MMP20: variants seen among roughly 807,000 people sequenced by gnomAD.
MMP20 encodes matrix metalloproteinase-20.
In MMP20, 50 loss-of-function variants were observed where a neutral mutation model predicts 51.8. That is an observed-to-expected ratio of 0.97 (90% CI 0.77 to 1.22). MMP20 has a LOEUF of 1.22. Ranked by LOEUF, MMP20 falls within the 50% of genes most tolerant of loss-of-function variation. The pLI, the probability that MMP20 is intolerant of heterozygous loss-of-function variation, is 0.00. For missense variants in MMP20, 663 were observed against 601.4 expected (o/e 1.10, Z -1.07); for synonymous variants, 244 against 216.2 (o/e 1.13, Z -1.13).
intron 6 of MMP20, among the ~76,000 whole-genome samples, 156 bp from the exon 7 acceptor site, chr11:102,594,913 T>C (rs1565392593): frequency 1.3e-4 from 2 of 15,796 alleles, no homozygotes; most frequent in African/African-American, 2.9e-4. Context: ...CTTTTCTTTT[T>C]TTTTTTTTTT....
chr11:102,579,293 GTTAT>G, intron 8 of MMP20, 151 bp from the exon 9 acceptor site: 1 of 618,406 alleles, frequency 1.6e-6, no homozygotes, highest in South Asian at 2.0e-5. Context: ...CATTTATGTT[GTTAT>G]TTATTTTTTC....
chr11:102,606,777 C>T (rs1591618358), intron 5 of MMP20, 101 bp from the exon 6 acceptor site: 1 of 1,370,524 alleles, frequency 7.3e-7, no homozygotes, highest in Non-Finnish European at 1.0e-6. Context: ...TCACGCTGGA[C>T]ATGTGATCAT....
intron 6 of MMP20, among the ~76,000 whole-genome samples, chr11:102,597,907 A>AC (rs1859401429): frequency 6.6e-6 from 1 of 152,096 alleles, no homozygotes. Flanking sequence ...AGCTGGGATT[A>AC]CAGGCATGTG....
At chr11:102,619,904 A>T (rs1034406459) in intron 1 of MMP20, among the ~76,000 whole-genome samples, 1 of 152,238 alleles carries the variant, frequency 6.6e-6, no homozygotes, top group African/African-American at 2.4e-5. Context: ...GGATTGAAAT[A>T]GTACCTTTTA....
chr11:102,604,960 A>G (rs1859495256), intron 6 of MMP20, among the ~76,000 whole-genome samples: 1 of 152,216 alleles, frequency 6.6e-6, no homozygotes, highest in South Asian at 2.1e-4. Context: ...ATGCTTAACA[A>G]TGGGAATGCT....
chr11:102,577,227 T>C lies in MMP20; in HGVS notation c.*99A>G, dbSNP rs1770536216. ...AATTCTAATTTGATTTGAAGGCCTT[T>C]GGAAGAATCCCTCTCCTACATTCTG... On this transcript the variant is annotated 3_prime_UTR_variant, in exon 10 of 10. Transcript: ENST00000260228. 2.5e-6 allele frequency: 2 copies of C among 807,976 alleles called. No individual in the cohort carries two copies. Among genetic ancestry groups the C allele is most frequent in the South Asian group, 2.8e-5 (2 of 70,352 alleles). 50.1% of individuals were successfully genotyped at this position (807,976 alleles called of 1,614,324 possible).
intron 1 of MMP20, among the ~76,000 whole-genome samples, chr11:102,624,771 C>T (rs1859798063): frequency 6.6e-6 from 1 of 152,320 alleles, no homozygotes; most frequent in Admixed American, 6.5e-5. Flanking sequence ...AGTGGAAACA[C>T]AGGAAATCTC....
chr11:102,623,359 AGCTCT>A (rs1859774493), intron 1 of MMP20, among the ~76,000 whole-genome samples: 1 of 152,116 alleles, frequency 6.6e-6, no homozygotes, highest in Non-Finnish European at 1.5e-5. Flanking sequence ...TTACTTCCTG[AGCTCT>A]GCCTCCTGTC....
intron 1 of MMP20, 119 bp from the exon 2 acceptor site, chr11:102,617,178 T>C: frequency 8.0e-7 from 1 of 1,246,046 alleles, no homozygotes; most frequent in African/African-American, 1.5e-5. Flanking sequence ...TATTTTCCCA[T>C]TTATGAAAAA....
intron 8 of MMP20, among the ~76,000 whole-genome samples, chr11:102,593,218 C>T (rs750263592): frequency 4.6e-5 from 7 of 152,148 alleles, no homozygotes; most frequent in Non-Finnish European, 1.0e-4. Context: ...TCAAGTCCTA[C>T]AGACCAAACA....
intron 3 of MMP20, 50 bp downstream of exon 3, chr11:102,611,705 T>C (rs774034650): frequency 6.2e-7 from 1 of 1,601,832 alleles, no homozygotes; most frequent in South Asian, 1.1e-5. Context: ...GGAACAGTAT[T>C]GGGACAACTC....
rs571482871 is a variant in MMP20 at position 102,617,818 on chromosome 11, G to A, written c.127-759C>T. ...CTCAGGGCTGGGATTAGGGTAAAAC[G>A]AGTGATGCAGGGGCATGCAAATACA... On this transcript the variant is annotated intron_variant, in intron 1 of 9. Transcript: ENST00000260228. Among the ~76,000 whole-genome samples the A allele has an allele frequency of 1.2e-4, 19 of 152,268 alleles. 2 individuals carry two copies. The South Asian group carries it at 3.5e-3, about 28-fold the overall frequency.
chr11:102,599,175 C>T (rs1859417605), intron 6 of MMP20, among the ~76,000 whole-genome samples: 1 of 152,030 alleles, frequency 6.6e-6, no homozygotes, highest in Admixed American at 6.6e-5. Flanking sequence ...ACCACACCTG[C>T]CCAGCTAATT....
At chr11:102,586,431 A>G (rs1017772125) in intron 8 of MMP20, among the ~76,000 whole-genome samples, 1 of 152,126 alleles carries the variant, frequency 6.6e-6, no homozygotes, top group Non-Finnish European at 1.5e-5. Context: ...TTGGTATACA[A>G]TTGTTCATAG....
chr11:102,610,093 C>T, intron 3 of MMP20, 63 bp from the exon 4 acceptor site: 1 of 1,581,136 alleles, frequency 6.3e-7, no homozygotes, highest in Non-Finnish European at 8.7e-7. Context: ...AGGGGCGCAT[C>T]ATATTACAGA....
intron 4 of MMP20, 127 bp from the exon 5 acceptor site, chr11:102,609,225 C>G: frequency 1.1e-6 from 1 of 887,634 alleles, no homozygotes; most frequent in East Asian, 2.6e-5. Flanking sequence ...CTGGATTATT[C>G]AAAGGTTGGT....
intron 5 of MMP20, 95 bp from the exon 6 acceptor site, chr11:102,606,771 G>T: frequency 1.4e-6 from 2 of 1,410,414 alleles, no homozygotes; most frequent in Non-Finnish European, 2.0e-6. Flanking sequence ...ACACTTTCAC[G>T]CTGGACATGT....
chr11:102,580,882 G>A (rs551508964), intron 8 of MMP20, among the ~76,000 whole-genome samples: 1 of 152,330 alleles, frequency 6.6e-6, no homozygotes, highest in African/African-American at 2.4e-5. Context: ...GACACAGACT[G>A]CAGCTCCCTG....
intron 9 of MMP20, 152 bp from the exon 10 acceptor site, chr11:102,577,578 T>C: frequency 1.5e-6 from 1 of 677,898 alleles, no homozygotes; most frequent in Non-Finnish European, 2.7e-6. Context: ...CTTCATGCCC[T>C]AGAACCTGAC....
Sources: allele counts gnomAD v4.1 joint callset (sites outside exome capture counted in the v4.1 genomes callset), GRCh38; gene constraint gnomAD v4.1.1; transcripts MANE v1.5; gene names NCBI Gene and HGNC (gene_info 2026-07-23, HGNC 2026-07-21).